The following FAM13A variants were observed in gnomAD, a reference collection of about 807,000 sequenced individuals.
FAM13A encodes the protein protein FAM13A.
FAM13A carries 76 observed loss-of-function variants against 129.6 expected under a neutral mutation model. That is an observed-to-expected ratio of 0.59 (90% confidence interval 0.49 to 0.71). The LOEUF (loss-of-function observed/expected upper bound fraction) is 0.71. FAM13A is among the 30% of genes least tolerant of loss of function. FAM13A has a pLI of 0.00. For missense variants in FAM13A, 1,108 were observed against 1,249.3 expected, an observed-to-expected ratio of 0.89 and a Z score of 1.70; for synonymous variants, 443 against 449.9, an observed-to-expected ratio of 0.98 and a Z score of 0.20.
At chr4:88,782,716 T>C (rs186390128) in intron 10 of FAM13A, among the ~76,000 whole-genome samples, 71 of 152,242 alleles carry the variant, frequency 4.7e-4, no homozygotes, top group African/African-American at 1.6e-3. Context: ...ATATAAAAGA[T>C]TTATGCACAT....
At chr4:88,982,538 G>C (rs1291683173) in intron 4 of FAM13A, among the ~76,000 whole-genome samples, 3 of 152,150 alleles carry the variant, frequency 2.0e-5, no homozygotes, top group Admixed American at 6.5e-5. Flanking sequence ...AAATCTACCT[G>C]CATTAGTAGA....
intron 1 of FAM13A, among the ~76,000 whole-genome samples, chr4:89,048,790 A>C (rs1771185391): frequency 6.6e-6 from 1 of 152,210 alleles, no homozygotes; most frequent in Non-Finnish European, 1.5e-5. Context: ...GTCACTTTTA[A>C]GTGATTACTA....
chr4:88,940,680 G>A (rs1264988107), intron 4 of FAM13A, among the ~76,000 whole-genome samples: 1 of 152,298 alleles, frequency 6.6e-6, no homozygotes, highest in East Asian at 1.9e-4. Flanking sequence ...TCAAAAGCTG[G>A]TTTTATGCAG....
At chr4:88,844,185 C>T (rs960564540) in intron 7 of FAM13A, among the ~76,000 whole-genome samples, 1 of 152,148 alleles carries the variant, frequency 6.6e-6, no homozygotes, top group Non-Finnish European at 1.5e-5. Context: ...AGACCTTAGA[C>T]ACAGTCTCTC....
At chr4:88,974,794 G>A (rs1760673164) in intron 4 of FAM13A, among the ~76,000 whole-genome samples, 2 of 152,154 alleles carry the variant, frequency 1.3e-5, no homozygotes, top group African/African-American at 2.4e-5. Context: ...TGGGGTCTGC[G>A]GAATGCACTA....
chr4:89,021,484 T>C (rs1767250285), intron 2 of FAM13A, among the ~76,000 whole-genome samples: 1 of 152,026 alleles, frequency 6.6e-6, no homozygotes, highest in Non-Finnish European at 1.5e-5. Flanking sequence ...AACAAAAATA[T>C]GAATTGAGAA....
chr4:89,056,649 AG>A (rs1201041388), intron 1 of FAM13A, among the ~76,000 whole-genome samples: 1 of 152,204 alleles, frequency 6.6e-6, no homozygotes, highest in Non-Finnish European at 1.5e-5. Flanking sequence ...GGGACAAGAA[AG>A]TCTAAAATGC....
chr4:88,966,241 C>G (rs1181813083), intron 4 of FAM13A, among the ~76,000 whole-genome samples: 1 of 152,030 alleles, frequency 6.6e-6, no homozygotes, highest in Non-Finnish European at 1.5e-5. Flanking sequence ...TTGCTTTTCC[C>G]AAAATAAATA....
At position 89,034,496 on chromosome 4, in the gene FAM13A, CCT is replaced by C. The variant is rs542425360; in HGVS notation, c.28-4849_28-4848del. Among the ~76,000 whole-genome samples, 495 of 152,258 alleles carry C rather than the reference CCT, an allele frequency of 3.3e-3. 3 individuals carry two copies. The highest frequency in any genetic ancestry group is 5.5e-3 in the Non-Finnish European group (377 of 68,022). On this transcript the variant is annotated intron_variant, in intron 1 of 23. Transcript: ENST00000264344. Reference sequence around the variant, plus strand: ...GGTAAGAATGTAAATTAGTTTATCCCCTGTGAAAAGCAGTTTAGAGATTTCTC... The same window carrying C: ...GGTAAGAATGTAAATTAGTTTATCCCGTGAAAAGCAGTTTAGAGATTTCTC...
intron 1 of FAM13A, among the ~76,000 whole-genome samples, chr4:89,034,550 T>C (rs1215613057): frequency 6.6e-6 from 1 of 152,218 alleles, no homozygotes; most frequent in Non-Finnish European, 1.5e-5. Context: ...AACTACCATT[T>C]AACCCAGAGA....
chr4:89,039,039 T>C (rs979744170), intron 1 of FAM13A, among the ~76,000 whole-genome samples: 3 of 152,212 alleles, frequency 2.0e-5, no homozygotes, highest in Non-Finnish European at 4.4e-5. Flanking sequence ...TGATGCATTA[T>C]AAAGAATACA....
At chr4:88,902,239 C>T (rs1225535527) in intron 6 of FAM13A, among the ~76,000 whole-genome samples, 2 of 152,130 alleles carry the variant, frequency 1.3e-5, no homozygotes, top group Admixed American at 1.3e-4. Context: ...AGGAGGGACT[C>T]CTCCCTAACT....
At chr4:88,893,634 G>T (rs905681856) in intron 6 of FAM13A, among the ~76,000 whole-genome samples, 6 of 121,698 alleles carry the variant, frequency 4.9e-5, no homozygotes, top group Non-Finnish European at 1.0e-4. Context: ...ATGAATGAAT[G>T]AATGAATGAA....
chr4:89,042,887 C>G (rs765323018), intron 1 of FAM13A, among the ~76,000 whole-genome samples: 28 of 152,098 alleles, frequency 1.8e-4, no homozygotes, highest in Non-Finnish European at 3.1e-4. Context: ...TTAAAAAAGA[C>G]TCTATGTACT....
At chr4:88,772,139 T>C (rs1720795136) in intron 11 of FAM13A, among the ~76,000 whole-genome samples, 1 of 152,146 alleles carries the variant, frequency 6.6e-6, no homozygotes, top group African/African-American at 2.4e-5. Flanking sequence ...TCTCTCAATA[T>C]ACAAACAGCT....
chr4:88,750,327 A>T (rs1742300126), intron 15 of FAM13A, 97 bp downstream of exon 15: 1 of 996,544 alleles, frequency 1.0e-6, no homozygotes, highest in Non-Finnish European at 1.6e-6. Flanking sequence ...TAGGCTCACG[A>T]CTTAATTAAA....
intron 9 of FAM13A, among the ~76,000 whole-genome samples, chr4:88,789,873 G>A (rs1724772255): frequency 6.6e-6 from 1 of 152,122 alleles, no homozygotes; most frequent in Non-Finnish European, 1.5e-5. Flanking sequence ...CTCTGAGGCA[G>A]CAATAAGGTT....
intron 4 of FAM13A, among the ~76,000 whole-genome samples, chr4:88,946,362 T>C (rs1309267516): frequency 6.7e-6 from 1 of 148,914 alleles, no homozygotes; most frequent in African/African-American, 2.5e-5. Flanking sequence ...CTGCAGAAAG[T>C]AAAGCTGGCC....
At chr4:88,781,991 GATA>G (rs963422501) in intron 10 of FAM13A, among the ~76,000 whole-genome samples, 10 of 128,798 alleles carry the variant, frequency 7.8e-5, no homozygotes, top group African/African-American at 2.7e-4. Flanking sequence ...AAAGTATAAT[GATA>G]ATAAAATAAA....
Sources: allele counts gnomAD v4.1 joint callset (sites outside exome capture counted in the v4.1 genomes callset), GRCh38; gene constraint gnomAD v4.1.1; transcripts MANE v1.5; gene names NCBI Gene and HGNC (gene_info 2026-07-23, HGNC 2026-07-21).